Variants in SH3RF2 observed in about 807,000 individuals in gnomAD.
SH3RF2 encodes SH3 domain containing ring finger 2.
SH3RF2 carries 43 observed loss-of-function variants against 59.0 expected under a neutral mutation model. That is an observed-to-expected ratio of 0.73 (90% CI 0.57 to 0.94). SH3RF2 has a LOEUF of 0.94. SH3RF2 is among the 40% of genes least tolerant of loss of function. SH3RF2 has a pLI of 0.00. For missense variants in SH3RF2, 930 were observed against 940.1 expected (o/e 0.99, Z 0.14); for synonymous variants, 391 against 391.5 (o/e 1.00, Z 0.01).
At chr5:146,008,992 C>T (rs1328947684) in intron 4 of SH3RF2, among the ~76,000 whole-genome samples, 2 of 152,146 alleles carry the variant, frequency 1.3e-5, no homozygotes, top group African/African-American at 4.8e-5. Context: ...AGTAGTATTC[C>T]ATTGTATAGA....
chr5:146,062,254 C>T (rs966375622), intron 9 of SH3RF2, among the ~76,000 whole-genome samples, 172 bp from the exon 10 acceptor site: 2 of 152,194 alleles, frequency 1.3e-5, no homozygotes, highest in Non-Finnish European at 2.9e-5. Flanking sequence ...GTTAGATGCT[C>T]CTCTGCATTC....
intron 9 of SH3RF2, among the ~76,000 whole-genome samples, chr5:146,068,842 CAT>C (rs781079964): frequency 3.3e-4 from 51 of 152,304 alleles, no homozygotes; most frequent in Middle Eastern, 3.4e-3. Flanking sequence ...ATGCTTCACA[CAT>C]ATGAAATATA....
intron 5 of SH3RF2, among the ~76,000 whole-genome samples, chr5:146,040,000 TTCA>T (rs1762068953): frequency 6.6e-6 from 1 of 152,214 alleles, no homozygotes; most frequent in African/African-American, 2.4e-5. Flanking sequence ...TGTGAGTCCA[TTCA>T]TACAATGTTC....
At chr5:146,025,001 A>C (rs547037745) in intron 5 of SH3RF2, among the ~76,000 whole-genome samples, 1 of 152,208 alleles carries the variant, frequency 6.6e-6, no homozygotes, top group African/African-American at 2.4e-5. Context: ...ACATTATTTC[A>C]TTAGGGGTTG....
intron 5 of SH3RF2, among the ~76,000 whole-genome samples, chr5:146,046,410 C>T (rs1762307309): frequency 7.3e-6 from 1 of 137,674 alleles, no homozygotes; most frequent in Non-Finnish European, 1.7e-5. Flanking sequence ...ATAGTTGTAC[C>T]CACAAAAGCA....
chr5:146,046,190 T>G (rs927845442), intron 5 of SH3RF2, among the ~76,000 whole-genome samples: 25 of 152,160 alleles, frequency 1.6e-4, no homozygotes, highest in African/African-American at 6.0e-4. Flanking sequence ...TACAATTGTG[T>G]CTGCAATCCC....
intron 2 of SH3RF2, among the ~76,000 whole-genome samples, chr5:145,976,896 T>C (rs901973676): frequency 2.0e-5 from 3 of 152,246 alleles, no homozygotes; most frequent in African/African-American, 4.8e-5. Flanking sequence ...TAATAAGGCA[T>C]GTTGGAAGAG....
rs182456946 is a variant in SH3RF2, at chr5:146,023,352, G to A, written c.1059+9291G>A. ...GCCATCCAAGAAGGTGGGATTAAAG[G>A]CATGCACCACCACACCTGCCTAATT... On this transcript the variant is annotated intron_variant, in intron 5 of 9. Coordinates refer to ENST00000359120, the MANE Select transcript of SH3RF2 (RefSeq NM_152550.4). 3.9e-4 allele frequency among the ~76,000 whole-genome samples: 59 copies of A among 152,196 alleles called. 2 individuals are homozygous for A. The East Asian group carries it at 0.01, about 26-fold the overall frequency.
chr5:146,062,535 A>C lies in SH3RF2; in HGVS notation c.2024A>C (p.Gln675Pro), dbSNP rs1170024084. 2 of 1,614,034 alleles carry C rather than the reference A, an allele frequency of 1.2e-6. No individual in the cohort carries two copies. The highest frequency in any genetic ancestry group is 4.5e-5 in the East Asian group (2 of 44,882). The change falls in exon 10 of 10, where the codon CAG becomes CCG. Residue 675 changes from glutamine (Q) to proline (P), a missense_variant. Physicochemically the swap from Gln to Pro is moderately conservative, Grantham distance 76 (BLOSUM62 -1). Coordinates refer to ENST00000359120, the MANE Select transcript of SH3RF2 (RefSeq NM_152550.4). Reference protein sequence around the residue: ...PEQPATLKASQPEAASLGPEM... With the variant: ...PEQPATLKASPPEAASLGPEM... ...CAGCCAGCCACCCTCAAGGCGTCCCAGCCTGAAGCAGCGTCCTTGGGCCCA... is the reference window on the plus strand; with the variant it reads ...CAGCCAGCCACCCTCAAGGCGTCCCCGCCTGAAGCAGCGTCCTTGGGCCCA...
intron 8 of SH3RF2, among the ~76,000 whole-genome samples, chr5:146,057,966 C>CTCTA (rs1554120846): frequency 0.013 from 956 of 72,882 alleles, 10 homozygotes; most frequent in Admixed American, 0.041. Flanking sequence ...CTCTCTCTCT[C>CTCTA]TCTATCTATC....
Position 145,997,154 on chromosome 5 carries a change from G to T in SH3RF2, c.379-2904G>T, listed in dbSNP as rs1421258551. ...CACCCAGCAATGAATGAGACTTCCT[G>T]TTGCTCCTCATTCTCCCCAGCATTT... On this transcript the variant is annotated intron_variant, in intron 2 of 9. Coordinates refer to ENST00000359120, the MANE Select transcript of SH3RF2 (RefSeq NM_152550.4). 5.8e-6 allele frequency: 4 copies of T among 689,146 alleles called. No individual in the cohort carries two copies. In the African/African-American group the frequency reaches 7.1e-5, roughly 12 times the overall value. The allele number at this position is 689,146 out of a possible 1,614,324, so 42.7% of individuals were successfully genotyped here.
chr5:146,060,109 T>G lies in SH3RF2; in HGVS notation c.1799T>G (p.Leu600Arg). 1 of 1,614,060 alleles carries G rather than the reference T, an allele frequency of 6.2e-7. No homozygotes were observed. The highest frequency in any genetic ancestry group is 1.6e-4 in the Middle Eastern group (1 of 6,062). The change falls in exon 9 of 10, where the codon CTC (leucine) becomes CGC (arginine). Residue 600 changes from leucine to arginine, a missense_variant. By Grantham distance (102) the Leu-to-Arg change is moderately radical (BLOSUM62 -2). Coordinates refer to ENST00000359120, the MANE Select transcript of SH3RF2 (RefSeq NM_152550.4). ...EAWIHSAASS[L>R]IMEDKEIPIK... ...TGGATCCACTCCGCGGCCAGCTCCC[T>G]CATTATGGAAGACAAAGAAATCCCC...
Position 146,045,009 on chromosome 5 carries a change from T to A in SH3RF2, c.1060-2763T>A, listed in dbSNP as rs922975486. On this transcript the variant is annotated intron_variant, in intron 5 of 9. Coordinates refer to ENST00000359120, the MANE Select transcript of SH3RF2 (RefSeq NM_152550.4). The stretch of plus-strand genomic sequence containing the variant: ...GCTTTGCATTCTGGCCTTTTCTGCC[T>A]CCCTAAAGGATTAATGGTGTTTGTG... Among the ~76,000 whole-genome samples, 3 of 152,232 alleles carry A rather than the reference T, an allele frequency of 2.0e-5. No homozygotes were observed. The East Asian group carries it at 5.8e-4, about 29-fold the overall frequency.
At position 146,011,199 on chromosome 5, in the gene SH3RF2, G is replaced by A. The variant is rs1445241300; in HGVS notation, c.745-2548G>A. The stretch of plus-strand genomic sequence containing the variant: ...AAGATCAGATGGTTGTAGATGTGTG[G>A]TGTTACTTCTGAGGCCTCTGTTCTG... On this transcript the variant is annotated intron_variant, in intron 4 of 9. Coordinates refer to ENST00000359120, the MANE Select transcript of SH3RF2 (RefSeq NM_152550.4). 2.6e-5 allele frequency among the ~76,000 whole-genome samples: 4 copies of A among 152,258 alleles called. No individual in the cohort carries two copies. In the East Asian group the frequency reaches 7.7e-4, roughly 29 times the overall value.
rs1453413605 is a variant in SH3RF2 at position 146,013,967 on chromosome 5, A to AGATCAGCACCCCAGTGCT, written c.966_983dup (p.Thr325_Ser330dup). 1.2e-6 allele frequency: 2 copies of AGATCAGCACCCCAGTGCT among 1,614,142 alleles called. No homozygotes were observed. The highest frequency in any genetic ancestry group is 1.6e-4 in the Middle Eastern group (1 of 6,062). Reference sequence around the variant, plus strand: ...TCTCCTTCAGGGCGCCATATGGTAGAGATCAGCACCCCAGTGCTCATCAGC... The same window carrying AGATCAGCACCCCAGTGCT: ...TCTCCTTCAGGGCGCCATATGGTAGAGATCAGCACCCCAGTGCTGATCAGCACCCCAGTGCTCATCAGC... On this transcript the variant is annotated inframe_insertion, in exon 5 of 10. Transcript: ENST00000359120.
At chr5:145,942,529 G>T (rs1434684897) in intron 2 of SH3RF2, among the ~76,000 whole-genome samples, 1 of 152,178 alleles carries the variant, frequency 6.6e-6, no homozygotes, top group Non-Finnish European at 1.5e-5. Flanking sequence ...CCAGAAGGTG[G>T]ACTAGCCCCT....
intron 7 of SH3RF2, among the ~76,000 whole-genome samples, chr5:146,050,778 C>G (rs1248322713): frequency 6.6e-6 from 1 of 152,042 alleles, no homozygotes; most frequent in African/African-American, 2.4e-5. Flanking sequence ...TACTGGCTAA[C>G]AAAAAAATCA....
chr5:145,962,590 G>A (rs189435678), intron 2 of SH3RF2, among the ~76,000 whole-genome samples: 1 of 152,080 alleles, frequency 6.6e-6, no homozygotes, highest in Non-Finnish European at 1.5e-5. Flanking sequence ...TTCAGTTCCT[G>A]CAGCAGGACT....
At chr5:145,997,483 T>C (rs1458537696) in intron 2 of SH3RF2, 7 of 1,576,292 alleles carry the variant, frequency 4.4e-6, no homozygotes, top group Non-Finnish European at 6.1e-6. Context: ...ATGGATACAG[T>C]ACAATTTGGG....
Sources: gnomAD v4.1 joint callset for allele counts (sites outside exome capture counted in the v4.1 genomes callset) on GRCh38, gnomAD v4.1.1 for gene constraint, MANE v1.5 for transcripts, NCBI Gene and HGNC (gene_info 2026-07-23, HGNC 2026-07-21) for gene names.